Variants in RIT2 observed in about 807,000 individuals in gnomAD.
The protein encoded by RIT2 is GTP-binding protein Rit2.
Under a neutral mutation model 23.7 loss-of-function variants are expected in RIT2, and 24 were observed. The observed-to-expected ratio is 1.01, with a 90% confidence interval of 0.73 to 1.43. RIT2 has a LOEUF of 1.43. Ranked by LOEUF, RIT2 falls within the 40% of genes most tolerant of loss-of-function variation. The probability of loss-of-function intolerance (pLI) is 0.00; values close to 1 mark genes in which losing one functional copy is unlikely to be tolerated. For missense variants in RIT2, 236 were observed against 266.9 expected (o/e 0.88, Z 0.81); for synonymous variants, 107 against 91.1 (o/e 1.17, Z -0.99).
rs1568008786 is a variant in RIT2, at chr18:42,837,084, C to A, written c.426+86488G>T. On this transcript the variant is annotated intron_variant, in intron 4 of 4. Transcript: ENST00000326695. Reference sequence around the variant, plus strand: ...TCAAGCGCTCTTTAATAAAACAATTCAACTGATTATGCCCTTGAATATCAT... The same window carrying A: ...TCAAGCGCTCTTTAATAAAACAATTAAACTGATTATGCCCTTGAATATCAT... 2.7e-5 allele frequency among the ~76,000 whole-genome samples: 4 copies of A among 148,056 alleles called. No homozygotes were observed. In the South Asian group the frequency reaches 9.0e-4, roughly 33 times the overall value.
intron 2 of RIT2, among the ~76,000 whole-genome samples, chr18:42,977,183 A>G (rs1910495000): frequency 6.6e-6 from 1 of 152,020 alleles, no homozygotes; most frequent in Non-Finnish European, 1.5e-5. Flanking sequence ...CTTTCATTGT[A>G]TTCATTTATG....
intron 1 of RIT2, 102 bp from the exon 2 acceptor site, chr18:43,033,969 T>G (rs1911917135): frequency 8.1e-6 from 6 of 736,740 alleles, no homozygotes; most frequent in Admixed American, 7.8e-5. Flanking sequence ...TTATGGTGAA[T>G]AAGTTAGTTA....
chr18:42,795,278 TGCAG>T (rs1394896789), intron 4 of RIT2, among the ~76,000 whole-genome samples: 10 of 152,192 alleles, frequency 6.6e-5, no homozygotes, highest in African/African-American at 2.4e-4. Context: ...CGGGGCTGCG[TGCAG>T]TGCTTGCGGG....
intron 3 of RIT2, among the ~76,000 whole-genome samples, chr18:42,945,786 G>A (rs1346953185): frequency 6.6e-6 from 1 of 151,988 alleles, no homozygotes; most frequent in Non-Finnish European, 1.5e-5. Context: ...AGATGTGCAA[G>A]CAACGCATAT....
At chr18:42,893,930 G>A (rs574680443) in intron 4 of RIT2, among the ~76,000 whole-genome samples, 24 of 152,266 alleles carry the variant, frequency 1.6e-4, no homozygotes, top group Admixed American at 7.9e-4. Context: ...ATGTGAATGA[G>A]CAATAGAAGT....
At chr18:42,954,105 C>T (rs979457878) in intron 3 of RIT2, among the ~76,000 whole-genome samples, 14 of 151,968 alleles carry the variant, frequency 9.2e-5, no homozygotes, top group Admixed American at 5.2e-4. Context: ...AAATTGGGCA[C>T]GGTGACTCAT....
chr18:42,942,932 T>C lies in RIT2; in HGVS notation c.235-19169A>G, dbSNP rs115995942. The stretch of plus-strand genomic sequence containing the variant: ...GTTTGAACTGCATGGTGCTAGTGTG[T>C]CCAGAGCTGGTTCCTTCTGGTGGGT... On this transcript the variant is annotated intron_variant, in intron 3 of 4. Transcript: ENST00000326695. 2.2e-3 allele frequency among the ~76,000 whole-genome samples: 342 copies of C among 152,290 alleles called. 4 individuals carry two copies. The highest frequency in any genetic ancestry group is 7.8e-3 in the African/African-American group (324 of 41,578).
At chr18:43,013,722 G>A (rs1053331033) in intron 2 of RIT2, among the ~76,000 whole-genome samples, 4 of 151,650 alleles carry the variant, frequency 2.6e-5, no homozygotes, top group South Asian at 4.2e-4. Flanking sequence ...GCATTAACTC[G>A]CTGCAATTTT....
At chr18:42,780,059 T>TTTTG (rs1202391324) in intron 4 of RIT2, among the ~76,000 whole-genome samples, 5 of 136,328 alleles carry the variant, frequency 3.7e-5, no homozygotes, top group East Asian at 2.1e-4. Context: ...TTTTTTTTTT[T>TTTTG]TTTTTTTTTT....
chr18:43,091,877 A>G (rs1387560868), intron 1 of RIT2, among the ~76,000 whole-genome samples: 1 of 151,988 alleles, frequency 6.6e-6, no homozygotes, highest in Non-Finnish European at 1.5e-5. Context: ...TGATGTGTCC[A>G]TTTTTCCTTG....
intron 4 of RIT2, among the ~76,000 whole-genome samples, chr18:42,870,856 A>G (rs1295033891): frequency 1.3e-5 from 2 of 152,228 alleles, no homozygotes; most frequent in African/African-American, 4.8e-5. Context: ...AGTTTTGTCA[A>G]TATACCTTTC....
chr18:43,028,308 T>G (rs1438899946), intron 2 of RIT2, among the ~76,000 whole-genome samples: 6 of 151,986 alleles, frequency 3.9e-5, no homozygotes, highest in Admixed American at 3.9e-4. Flanking sequence ...AAGAACTTGT[T>G]ATGTAAAGAG....
At chr18:43,094,129 T>G (rs1308369112) in intron 1 of RIT2, among the ~76,000 whole-genome samples, 2 of 131,188 alleles carry the variant, frequency 1.5e-5, no homozygotes, top group African/African-American at 2.8e-5. Flanking sequence ...TTTTGTTTTT[T>G]TTTTTTTTTT....
In RIT2 at chr18:42,952,404, C is replaced by T. The variant is rs183053127; in HGVS notation, c.234+21670G>A. Among the ~76,000 whole-genome samples, 486 of 152,096 alleles carry T rather than the reference C, an allele frequency of 3.2e-3. 2 individuals carry two copies. The highest frequency in any genetic ancestry group is 0.01 in the Middle Eastern group (3 of 294). ...AGAAGAGGAAATGGAGATTATTAGT[C>T]AAAAGGTACAAAGCTTCAACTGTAC... On this transcript the variant is annotated intron_variant, in intron 3 of 4. Transcript: ENST00000326695.
intron 4 of RIT2, among the ~76,000 whole-genome samples, chr18:42,803,547 T>C (rs964307171): frequency 6.6e-6 from 1 of 152,238 alleles, no homozygotes; most frequent in Admixed American, 6.5e-5. Context: ...GCAGCTTTCC[T>C]GTTAGTTTTC....
intron 4 of RIT2, among the ~76,000 whole-genome samples, chr18:42,902,289 T>A (rs2144107857): frequency 6.6e-6 from 1 of 151,920 alleles, no homozygotes; most frequent in East Asian, 1.9e-4. Flanking sequence ...TTTATGTTTC[T>A]TGCCTATAAC....
chr18:43,056,587 A>C (rs1912508100), intron 1 of RIT2, among the ~76,000 whole-genome samples: 1 of 152,136 alleles, frequency 6.6e-6, no homozygotes, highest in South Asian at 2.1e-4. Context: ...TGAAACAGGA[A>C]GTCAGCACTT....
At chr18:42,882,262 T>A (rs1295700129) in intron 4 of RIT2, among the ~76,000 whole-genome samples, 4 of 152,190 alleles carry the variant, frequency 2.6e-5, no homozygotes, top group Non-Finnish European at 5.9e-5. Context: ...TCATATGACA[T>A]CTGTCTGCAA....
intron 3 of RIT2, among the ~76,000 whole-genome samples, chr18:42,955,603 T>C (rs1388685948): frequency 6.6e-6 from 1 of 152,240 alleles, no homozygotes; most frequent in Non-Finnish European, 1.5e-5. Context: ...GATCTTATTC[T>C]CTGGTTATAT....
Sources: allele counts gnomAD v4.1 joint callset (sites outside exome capture counted in the v4.1 genomes callset), GRCh38; gene constraint gnomAD v4.1.1; transcripts MANE v1.5; gene names NCBI Gene and HGNC (gene_info 2026-07-23, HGNC 2026-07-21).